Variants in FBXO48 observed in about 807,000 individuals in gnomAD.
FBXO48 encodes the protein F-box protein 48, also known as F-box only protein 48.
In FBXO48, 12 loss-of-function variants were observed where a neutral mutation model predicts 14.3. That is an observed-to-expected ratio of 0.84 (90% CI 0.54 to 1.36). The LOEUF (loss-of-function observed/expected upper bound fraction) is 1.36, where lower values mean the gene tolerates loss of function less well. FBXO48 is among the 40% of genes most tolerant of loss of function. The pLI, the probability that FBXO48 is intolerant of heterozygous loss-of-function variation, is 0.00. For synonymous variants in FBXO48, 53 were observed against 61.7 expected, an observed-to-expected ratio of 0.86 and a Z score of 0.66; for missense variants, 177 against 179.1, an observed-to-expected ratio of 0.99 and a Z score of 0.07.
Position 68,463,970 on chromosome 2 carries a change from T to C in FBXO48, c.*239A>G. 1 of 377,590 alleles carries C rather than the reference T, an allele frequency of 2.6e-6. No homozygotes were observed. The highest frequency in any genetic ancestry group is 4.9e-6 in the Non-Finnish European group (1 of 205,580). The allele number at this position is 377,590 out of a possible 1,614,324, so 23.4% of individuals were successfully genotyped here. A position where few individuals can be genotyped will look rare whatever the true frequency, so the allele number is the denominator to read the frequency against. On this transcript the variant is annotated 3_prime_UTR_variant, in exon 4 of 4. Transcript: ENST00000377957. ...AACATTGTATTTGGAAATCACTCTA[T>C]CAGTATATTATTTCTTATAAAAATA...
At chr2:68,464,509 G>T in intron 3 of FBXO48, 139 bp from the exon 4 acceptor site, 1 of 722,260 alleles carries the variant, frequency 1.4e-6, no homozygotes, top group Non-Finnish European at 2.3e-6. Context: ...ATAAATGTAT[G>T]TGTCTGTGTA....
In FBXO48 at chr2:68,464,384, A is replaced by G; in HGVS notation, c.307-14T>C. 6.2e-7 allele frequency: 1 copy of G among 1,612,512 alleles called. No individual in the cohort carries two copies. The highest frequency in any genetic ancestry group is 1.3e-5 in the African/African-American group (1 of 75,020). On this transcript the variant is annotated splice_polypyrimidine_tract_variant and intron_variant, in intron 3 of 3. Transcript: ENST00000377957. ...CAGCAGTATCACCTGAAAGAGGTAAATCACCGTTAAAAAAGACTGTAGTAG... is the reference window on the plus strand; with the variant it reads ...CAGCAGTATCACCTGAAAGAGGTAAGTCACCGTTAAAAAAGACTGTAGTAG...
Position 68,466,169 on chromosome 2 carries a change from A to G in FBXO48, c.-59T>C, listed in dbSNP as rs1464403110. On this transcript the variant is annotated 5_prime_UTR_variant, in exon 2 of 4. Transcript: ENST00000377957. The stretch of plus-strand genomic sequence containing the variant: ...CTAAGGTGAATGGTGTAGGCTTCCC[A>G]AATCAGTTGAAAGCATGACTGGGTA... 6.6e-6 allele frequency: 1 copy of G among 152,242 alleles called. No individual in the cohort carries two copies. Among genetic ancestry groups the G allele is most frequent in the Non-Finnish European group, 1.5e-5 (1 of 68,042 alleles). The allele number at this position is 152,242 out of a possible 1,614,324, so 9.4% of individuals were successfully genotyped here.
At chr2:68,466,554 T>TC (rs1675421069) in intron 1 of FBXO48, 84 bp from the exon 2 acceptor site, 3 of 152,152 alleles carry the variant, frequency 2.0e-5, no homozygotes, top group Admixed American at 2.0e-4. Flanking sequence ...CCTTGGCCCC[T>TC]CCCACCACCA....
At chr2:68,465,830 T>C (rs1675394622) in intron 2 of FBXO48, among the ~76,000 whole-genome samples, 1 of 152,236 alleles carries the variant, frequency 6.6e-6, no homozygotes, top group African/African-American at 2.4e-5. Context: ...GTTGTTTATA[T>C]AAGAATTTTA....
At chr2:68,464,409 G>A (rs1297167321) in intron 3 of FBXO48, 39 bp from the exon 4 acceptor site, 1 of 1,596,682 alleles carries the variant, frequency 6.3e-7, no homozygotes, top group Non-Finnish European at 8.6e-7. Context: ...GACTGTAGTA[G>A]GTGGTTGGTT....
chr2:68,464,854 C>G lies in FBXO48; in HGVS notation c.292G>C (p.Gly98Arg). The G allele has an allele frequency of 6.2e-7, 1 of 1,610,842 alleles. No individual in the cohort carries two copies. Among genetic ancestry groups the G allele is most frequent in the Admixed American group, 1.7e-5 (1 of 59,968 alleles). ...RREIDDDLES[G>R]YSWRVILLRN... ...ATTAAACTTACCCTCCAGGAATAAC[C>G]ACTTTCTAGATCATCATCTATTTCT... Residue 98 changes from glycine to arginine, a missense_variant, in exon 3 of 4, where the codon GGT becomes CGT. Gly to Arg is a moderately radical substitution (Grantham distance 125, BLOSUM62 -2). Transcript: ENST00000377957.
chr2:68,465,631 A>G (rs1054939564), intron 2 of FBXO48, among the ~76,000 whole-genome samples: 1 of 152,046 alleles, frequency 6.6e-6, no homozygotes, highest in South Asian at 2.1e-4. Context: ...TCCTCAAGCA[A>G]TCCTTCTGCC....
intron 3 of FBXO48, among the ~76,000 whole-genome samples, 200 bp from the exon 4 acceptor site, chr2:68,464,570 G>A (rs1244322484): frequency 8.5e-5 from 13 of 152,066 alleles, no homozygotes; most frequent in African/African-American, 2.9e-4. Flanking sequence ...AGGTGAAGTG[G>A]AAAGAAGGAG....
In FBXO48 at chr2:68,461,051, A is replaced by G. The variant is rs1200588121; in HGVS notation, c.*3158T>C. On this transcript the variant is annotated 3_prime_UTR_variant, in exon 4 of 4. Coordinates refer to ENST00000377957, the MANE Select transcript of FBXO48 (RefSeq NM_001024680.3). ...TAAGACTGACTGGTGAGGAAGTCAG[A>G]GTGAAATCTAAGATGTTAATGTAAG... is the stretch of plus-strand genomic sequence containing the variant. 6.6e-6 allele frequency: 1 copy of G among 152,232 alleles called. No individual in the cohort carries two copies. The highest frequency in any genetic ancestry group is 1.5e-5 in the Non-Finnish European group (1 of 68,044). The allele number at this position is 152,232 out of a possible 1,614,324, so 9.4% of individuals were successfully genotyped here.
Position 68,460,159 on chromosome 2 carries a change from T to G in FBXO48, c.*4050A>C, listed in dbSNP as rs1336101020. On this transcript the variant is annotated 3_prime_UTR_variant, in exon 4 of 4. Coordinates refer to ENST00000377957, the MANE Select transcript of FBXO48 (RefSeq NM_001024680.3). Reference sequence around the variant, plus strand: ...ATTTCTACCTGTATGCAGTCAGGAGTTTAAGTTAGGGTGACGTGCTAAATT... The same window carrying G: ...ATTTCTACCTGTATGCAGTCAGGAGGTTAAGTTAGGGTGACGTGCTAAATT... The G allele has an allele frequency of 6.6e-6, 1 of 151,694 alleles. No individual in the cohort carries two copies. Among genetic ancestry groups the G allele is most frequent in the Non-Finnish European group, 1.5e-5 (1 of 67,952 alleles). The allele number at this position is 151,694 out of a possible 1,614,324, so 9.4% of individuals were successfully genotyped here. A position where few individuals can be genotyped will look rare whatever the true frequency, so the allele number is the denominator to read the frequency against.
intron 1 of FBXO48, 34 bp from the exon 2 acceptor site, chr2:68,466,504 C>G (rs1675418107): frequency 6.6e-6 from 1 of 152,186 alleles, no homozygotes; most frequent in East Asian, 1.9e-4. Flanking sequence ...AGAAAGCAAA[C>G]GTAAAAACGG....
At chr2:68,466,115 G>T (rs1161847007) in intron 2 of FBXO48, 29 bp downstream of exon 2, 1 of 152,178 alleles carries the variant, frequency 6.6e-6, no homozygotes, top group East Asian at 1.9e-4. Flanking sequence ...TTGAAGCCCA[G>T]ATTTAAAGCT....
rs1675319280 is a variant in FBXO48 at position 68,463,508 on chromosome 2, G to A, written c.*701C>T. 1 of 151,652 alleles carries A rather than the reference G, an allele frequency of 6.6e-6. No homozygotes were observed. Among genetic ancestry groups the A allele is most frequent in the Non-Finnish European group, 1.5e-5 (1 of 67,940 alleles). 9.4% of individuals were successfully genotyped at this position (151,652 alleles called of 1,614,324 possible). A position where few individuals can be genotyped will look rare whatever the true frequency, so the allele number is the denominator to read the frequency against. On this transcript the variant is annotated 3_prime_UTR_variant, in exon 4 of 4. Coordinates refer to ENST00000377957, the MANE Select transcript of FBXO48 (RefSeq NM_001024680.3). ...GTGCTATAAGGCTGTCAGAAAGAGA[G>A]TTTTACCAGGCTAGTGTGGCATTCT...
chr2:68,463,972 A>T lies in FBXO48; in HGVS notation c.*237T>A, dbSNP rs1004344026. 6.8e-5 allele frequency: 26 copies of T among 384,138 alleles called. No homozygotes were observed. In the Admixed American group the frequency reaches 1.0e-3, roughly 15 times the overall value. 23.8% of individuals were successfully genotyped at this position (384,138 alleles called of 1,614,324 possible). A position where few individuals can be genotyped will look rare whatever the true frequency, so the allele number is the denominator to read the frequency against. ...CATTGTATTTGGAAATCACTCTATC[A>T]GTATATTATTTCTTATAAAAATAAC... On this transcript the variant is annotated 3_prime_UTR_variant, in exon 4 of 4. Coordinates refer to ENST00000377957, the MANE Select transcript of FBXO48 (RefSeq NM_001024680.3).
Position 68,462,244 on chromosome 2 carries a change from A to G in FBXO48, c.*1965T>C, listed in dbSNP as rs759718643. ...CTAAAAATATATGTGTACATTTACT[A>G]TTGTACACAGATGCTATTCAGCAAA... On this transcript the variant is annotated 3_prime_UTR_variant, in exon 4 of 4. Transcript: ENST00000377957. The G allele has an allele frequency of 1.3e-5, 2 of 152,248 alleles. No individual in the cohort carries two copies. Among genetic ancestry groups the G allele is most frequent in the South Asian group, 2.1e-4 (1 of 4,832 alleles). 9.4% of individuals were successfully genotyped at this position (152,248 alleles called of 1,614,324 possible). A position where few individuals can be genotyped will look rare whatever the true frequency, so the allele number is the denominator to read the frequency against.
rs1036920604 is a variant in FBXO48, at chr2:68,466,410, C to T, written c.-300G>A. ...GACTTGCCAAGACCACGGTGGCTCCCATTCATGATCCAGATTAGCTGTGGT... is the reference window on the plus strand; with the variant it reads ...GACTTGCCAAGACCACGGTGGCTCCTATTCATGATCCAGATTAGCTGTGGT... On this transcript the variant is annotated 5_prime_UTR_variant, in exon 2 of 4. It removes an upstream start codon present in the reference 5' UTR. Coordinates refer to ENST00000377957, the MANE Select transcript of FBXO48 (RefSeq NM_001024680.3). 6.6e-6 allele frequency: 1 copy of T among 152,210 alleles called. No individual in the cohort carries two copies. Among genetic ancestry groups the T allele is most frequent in the Non-Finnish European group, 1.5e-5 (1 of 68,068 alleles). 9.4% of individuals were successfully genotyped at this position (152,210 alleles called of 1,614,324 possible).
Position 68,464,029 on chromosome 2 carries a change from C to A in FBXO48, c.*180G>T. Reference sequence around the variant, plus strand: ...TGATTTTTCCACATTACAATAAAACCAGAAAAATTTTACTAAAGTGCAAAA... The same window carrying A: ...TGATTTTTCCACATTACAATAAAACAAGAAAAATTTTACTAAAGTGCAAAA... On this transcript the variant is annotated 3_prime_UTR_variant, in exon 4 of 4. Transcript: ENST00000377957. 7.6e-6 allele frequency: 4 copies of A among 526,718 alleles called. No homozygotes were observed. The highest frequency in any genetic ancestry group is 9.9e-6 in the Non-Finnish European group (3 of 303,842). 32.6% of individuals were successfully genotyped at this position (526,718 alleles called of 1,614,324 possible).
At position 68,459,425 on chromosome 2, in the gene FBXO48, T is replaced by A. The variant is rs1486299909; in HGVS notation, c.*4784A>T. On this transcript the variant is annotated 3_prime_UTR_variant, in exon 4 of 4. Coordinates refer to ENST00000377957, the MANE Select transcript of FBXO48 (RefSeq NM_001024680.3). ...AATAATTCAAAATAATAAGTGATAT[T>A]TTTGAGGTTAAGTTTATTTTCAAGA... The A allele has an allele frequency of 2.0e-5, 3 of 152,296 alleles. No individual in the cohort carries two copies. Among genetic ancestry groups the A allele is most frequent in the Admixed American group, 6.5e-5 (1 of 15,300 alleles). The allele number at this position is 152,296 out of a possible 1,614,324, so 9.4% of individuals were successfully genotyped here.
Sources: gnomAD v4.1 joint callset for allele counts (sites outside exome capture counted in the v4.1 genomes callset) on GRCh38, gnomAD v4.1.1 for gene constraint, MANE v1.5 for transcripts, NCBI Gene and HGNC (gene_info 2026-07-23, HGNC 2026-07-21) for gene names.